The following DNAJC1 variants were observed in gnomAD, a reference collection of about 807,000 sequenced individuals.
The protein encoded by DNAJC1 is dnaJ homolog subfamily C member 1.
DNAJC1 carries 58 observed loss-of-function variants against 76.6 expected under a neutral mutation model. The ratio of observed to expected loss-of-function variants is 0.76; its 90% confidence interval spans 0.61 to 0.94. The LOEUF is 0.94. DNAJC1 is among the 40% of genes least tolerant of loss of function. DNAJC1 has a pLI of 0.00. For missense variants in DNAJC1, 689 were observed against 677.3 expected (o/e 1.02, Z -0.19); for synonymous variants, 258 against 267.9 (o/e 0.96, Z 0.36).
At chr10:21,858,094 A>AC (rs1835867540) in intron 8 of DNAJC1, among the ~76,000 whole-genome samples, 1 of 152,188 alleles carries the variant, frequency 6.6e-6, no homozygotes, top group African/African-American at 2.4e-5. Flanking sequence ...GAGATATATA[A>AC]CCTAGGTTTT....
intron 1 of DNAJC1, among the ~76,000 whole-genome samples, chr10:21,960,066 G>A (rs370134516): frequency 6.0e-4 from 91 of 152,114 alleles, no homozygotes; most frequent in African/African-American, 2.0e-3. Context: ...AAAATCTAAC[G>A]TATCTCCCAA....
chr10:21,929,262 T>C (rs1174774149), intron 1 of DNAJC1, 121 bp from the exon 2 acceptor site: 4 of 643,312 alleles, frequency 6.2e-6, no homozygotes, highest in Admixed American at 3.2e-5. Context: ...GCAATGTAAT[T>C]TGAGCAATCA....
intron 7 of DNAJC1, 22 bp downstream of exon 7, chr10:21,904,500 A>G: frequency 7.1e-7 from 1 of 1,418,194 alleles, no homozygotes. Flanking sequence ...ACATTGTTAA[A>G]ACACTAATGT....
chr10:21,926,265 T>C (rs938362704), intron 3 of DNAJC1, among the ~76,000 whole-genome samples: 4 of 151,970 alleles, frequency 2.6e-5, no homozygotes, highest in Admixed American at 6.6e-5. Context: ...CTTTCCTTTT[T>C]TTTTTTTTTT....
chr10:22,000,180 T>A (rs1290162496), intron 1 of DNAJC1, among the ~76,000 whole-genome samples: 7 of 152,214 alleles, frequency 4.6e-5, no homozygotes, highest in African/African-American at 1.4e-4. Context: ...GTTTGCTCCA[T>A]GTTGAAATTC....
At chr10:21,822,607 A>T (rs970991812) in intron 8 of DNAJC1, among the ~76,000 whole-genome samples, 3 of 152,118 alleles carry the variant, frequency 2.0e-5, no homozygotes, top group Admixed American at 2.0e-4. Context: ...CTAGAGTAAG[A>T]CCTTAACAAT....
chr10:21,911,311 A>G (rs1443943275), intron 6 of DNAJC1, among the ~76,000 whole-genome samples: 4 of 152,216 alleles, frequency 2.6e-5, no homozygotes, highest in African/African-American at 7.2e-5. Context: ...GGAAAATACC[A>G]TAAGTACATT....
intron 8 of DNAJC1, among the ~76,000 whole-genome samples, chr10:21,828,977 T>G (rs1285528845): frequency 6.6e-6 from 1 of 152,196 alleles, no homozygotes; most frequent in Non-Finnish European, 1.5e-5. Context: ...AAGCTGGGGT[T>G]GTTGTTTGAT....
intron 8 of DNAJC1, among the ~76,000 whole-genome samples, chr10:21,840,315 C>G (rs1835553610): frequency 6.6e-6 from 1 of 152,108 alleles, no homozygotes; most frequent in Non-Finnish European, 1.5e-5. Flanking sequence ...TCAAATTGTC[C>G]CTGTTTGCAG....
chr10:21,763,115 G>A (rs2131616990), intron 10 of DNAJC1, among the ~76,000 whole-genome samples: 1 of 152,172 alleles, frequency 6.6e-6, no homozygotes, highest in South Asian at 2.1e-4. Context: ...AGTTTTAGTA[G>A]AGACCGGGTT....
At chr10:21,961,105 G>C (rs1837783613) in intron 1 of DNAJC1, among the ~76,000 whole-genome samples, 1 of 152,202 alleles carries the variant, frequency 6.6e-6, no homozygotes, top group Non-Finnish European at 1.5e-5. Flanking sequence ...GGAGAAATTT[G>C]AGCCTTTATA....
At chr10:21,964,456 C>T (rs528296606) in intron 1 of DNAJC1, among the ~76,000 whole-genome samples, 1 of 152,320 alleles carries the variant, frequency 6.6e-6, no homozygotes, top group Non-Finnish European at 1.5e-5. Flanking sequence ...AAGCCATCTG[C>T]CAGCCTTGGT....
At chr10:21,928,700 A>G (rs888303159) in intron 2 of DNAJC1, 148 bp from the exon 3 acceptor site, 32 of 631,320 alleles carry the variant, frequency 5.1e-5, no homozygotes, top group Non-Finnish European at 7.5e-5. Flanking sequence ...AAGTAACACT[A>G]TGTTTTGGTA....
At chr10:21,870,081 CAAAG>C (rs1564812894) in intron 8 of DNAJC1, among the ~76,000 whole-genome samples, 1 of 151,596 alleles carries the variant, frequency 6.6e-6, no homozygotes, top group Non-Finnish European at 1.5e-5. Flanking sequence ...AATCAAATAA[CAAAG>C]AATAATATTT....
At chr10:21,999,524 T>C (rs542556289) in intron 1 of DNAJC1, among the ~76,000 whole-genome samples, 2 of 151,020 alleles carry the variant, frequency 1.3e-5, no homozygotes, top group African/African-American at 4.9e-5. Context: ...GGCACAATCT[T>C]GGCTCACTGC....
intron 8 of DNAJC1, among the ~76,000 whole-genome samples, chr10:21,816,875 C>T (rs1172799828): frequency 2.1e-5 from 3 of 142,838 alleles, no homozygotes; most frequent in Admixed American, 6.9e-5. Context: ...AAAAAAAATG[C>T]CGGGCGCGGT....
intron 8 of DNAJC1, among the ~76,000 whole-genome samples, chr10:21,835,911 T>C (rs1212729772): frequency 1.3e-5 from 2 of 152,210 alleles, no homozygotes; most frequent in African/African-American, 2.4e-5. Context: ...TGCAGGATAC[T>C]GTCCAGGAGA....
chr10:21,901,609 T>C (rs1343768732), intron 7 of DNAJC1, among the ~76,000 whole-genome samples: 1 of 152,188 alleles, frequency 6.6e-6, no homozygotes, highest in Non-Finnish European at 1.5e-5. Flanking sequence ...ATCACCCTTT[T>C]CACTGCCCCC....
At chr10:21,795,066 T>G (rs1332665917) in intron 9 of DNAJC1, among the ~76,000 whole-genome samples, 1 of 152,104 alleles carries the variant, frequency 6.6e-6, no homozygotes, top group African/African-American at 2.4e-5. Context: ...GTTTTCAGAT[T>G]TGGGATGTCT....
Sources: gnomAD v4.1 joint callset for allele counts (sites outside exome capture counted in the v4.1 genomes callset) on GRCh38, gnomAD v4.1.1 for gene constraint, MANE v1.5 for transcripts, NCBI Gene and HGNC (gene_info 2026-07-23, HGNC 2026-07-21) for gene names.